CCDC146: variants seen among roughly 807,000 people sequenced by gnomAD.
CCDC146 encodes coiled-coil domain-containing protein 146.
Under a neutral mutation model 119.3 loss-of-function variants are expected in CCDC146, and 92 were observed. That is an observed-to-expected ratio of 0.77 (90% CI 0.65 to 0.92). The LOEUF (loss-of-function observed/expected upper bound fraction) is 0.92, where lower values mean the gene tolerates loss of function less well. CCDC146 is among the 40% of genes least tolerant of loss of function. The probability of loss-of-function intolerance (pLI) is 0.00; values close to 1 mark genes in which losing one functional copy is unlikely to be tolerated. For missense variants in CCDC146, 1,000 were observed against 1,103.0 expected (o/e 0.91, Z 1.32); for synonymous variants, 372 against 371.8 (o/e 1.00, Z -0.01).
chr7:77,251,269 G>A (rs931007753), intron 4 of CCDC146, among the ~76,000 whole-genome samples: 25 of 151,990 alleles, frequency 1.6e-4, no homozygotes, highest in Admixed American at 1.1e-3. Flanking sequence ...TTATCTGCCC[G>A]CCTCAGCCTC....
At chr7:77,166,670 G>A (rs906242010) in intron 1 of CCDC146, among the ~76,000 whole-genome samples, 18 of 152,076 alleles carry the variant, frequency 1.2e-4, no homozygotes, top group African/African-American at 4.3e-4. Flanking sequence ...TGCTATTCAC[G>A]TATTACTATT....
chr7:77,292,035 C>A (rs934188112), intron 17 of CCDC146, among the ~76,000 whole-genome samples: 1 of 152,220 alleles, frequency 6.6e-6, no homozygotes, highest in Non-Finnish European at 1.5e-5. Flanking sequence ...GTGGATCATG[C>A]CTGTAATCCC....
rs968471301 is a variant in CCDC146 at position 77,278,686 on chromosome 7, G to T, written c.1441-66G>T. The T allele has an allele frequency of 1.9e-5, 21 of 1,080,522 alleles. No homozygotes were observed. The East Asian group carries it at 4.7e-4, about 24-fold the overall frequency. The allele number at this position is 1,080,522 out of a possible 1,614,324, so 66.9% of individuals were successfully genotyped here. On this transcript the variant is annotated intron_variant, in intron 11 of 18. Coordinates refer to ENST00000285871, the MANE Select transcript of CCDC146 (RefSeq NM_020879.3). ...AGAATTGTCTTTAATGGAAGGGAAT[G>T]ATGTGGGATAAATCTGGGAGTGTTC...
intron 2 of CCDC146, among the ~76,000 whole-genome samples, chr7:77,178,849 GT>G (rs1467321592): frequency 6.6e-6 from 1 of 152,148 alleles, no homozygotes; most frequent in African/African-American, 2.4e-5. Context: ...GTAAAACAGT[GT>G]CTTTAGTAAT....
At chr7:77,271,483 A>G (rs1478526516) in intron 9 of CCDC146, among the ~76,000 whole-genome samples, 2 of 140,164 alleles carry the variant, frequency 1.4e-5, no homozygotes, top group African/African-American at 2.7e-5. Flanking sequence ...TTTATTTTAT[A>G]TATATATATA....
At chr7:77,240,625 A>G (rs897602663) in intron 3 of CCDC146, among the ~76,000 whole-genome samples, 1 of 152,248 alleles carries the variant, frequency 6.6e-6, no homozygotes, top group South Asian at 2.1e-4. Flanking sequence ...AAGTCTGTAC[A>G]TGTTCAGTAA....
At chr7:77,294,617 C>T (rs1398086209) in intron 18 of CCDC146, 46 bp from the exon 19 acceptor site, 3 of 1,586,796 alleles carry the variant, frequency 1.9e-6, no homozygotes, top group Non-Finnish European at 2.6e-6. Flanking sequence ...AAAGTGACTT[C>T]ACCAGAGTTT....
intron 11 of CCDC146, among the ~76,000 whole-genome samples, chr7:77,276,205 CAAAAATAAAA>C (rs1793633807): frequency 7.9e-6 from 1 of 126,792 alleles, no homozygotes. Flanking sequence ...GACTTCCTCT[CAAAAATAAAA>C]AAAAAAAAGA....
At chr7:77,148,280 G>A (rs1182967947) in intron 1 of CCDC146, among the ~76,000 whole-genome samples, 3 of 152,154 alleles carry the variant, frequency 2.0e-5, no homozygotes, top group African/African-American at 7.2e-5. Context: ...TAGGGTGGGA[G>A]TGACCTGATT....
Position 77,196,541 on chromosome 7 carries a change from A to G in CCDC146, c.156+28717A>G. 6.2e-7 allele frequency: 1 copy of G among 1,614,186 alleles called. No individual in the cohort carries two copies. Among genetic ancestry groups the G allele is most frequent in the Non-Finnish European group, 8.5e-7 (1 of 1,180,014 alleles). ...TTTATCTGGAGTGGTGAAAAACTTC[A>G]GATCGTGGTTGTAATGTTTGTTGAA... is the stretch of plus-strand genomic sequence containing the variant. On this transcript the variant is annotated intron_variant, in intron 2 of 18. Transcript: ENST00000285871. The surrounding 1 kb of genome is among the most constrained non-coding windows in gnomAD (Gnocchi z 4.2).
intron 2 of CCDC146, chr7:77,199,860 C>T: frequency 2.0e-6 from 3 of 1,531,124 alleles, no homozygotes; most frequent in Non-Finnish European, 1.8e-6. Context: ...GCGGCAGCTG[C>T]CTGAGTCAGG....
chr7:77,292,964 C>G lies in CCDC146; in HGVS notation c.2428C>G (p.Gln810Glu), dbSNP rs1297065195. The change falls in exon 18 of 19, where the codon CAA becomes GAA. Residue 810 changes from glutamine (Q) to glutamate (E), a missense_variant. Coordinates refer to ENST00000285871, the MANE Select transcript of CCDC146 (RefSeq NM_020879.3). ...TCTTTAATTCTAGATGAATGGCTAT[C>G]AAAGAAGGATCAAAAATGCAACTGA... ...LLLAKKMNGY[Q>E]RRIKNATEKM... 2.5e-6 allele frequency: 4 copies of G among 1,613,652 alleles called. No individual in the cohort carries two copies. Among genetic ancestry groups the G allele is most frequent in the Non-Finnish European group, 3.4e-6 (4 of 1,179,964 alleles).
At chr7:77,240,504 C>T (rs1196440323) in intron 3 of CCDC146, among the ~76,000 whole-genome samples, 4 of 152,328 alleles carry the variant, frequency 2.6e-5, no homozygotes, top group East Asian at 1.9e-4. Flanking sequence ...AACTTAATCA[C>T]ATCCTCCTGT....
In CCDC146 at chr7:77,196,938, T is replaced by C. The variant is rs1164958623; in HGVS notation, c.156+29114T>C. 1.2e-6 allele frequency: 2 copies of C among 1,613,546 alleles called. No individual in the cohort carries two copies. Among genetic ancestry groups the C allele is most frequent in the East Asian group, 4.5e-5 (2 of 44,892 alleles). Reference sequence around the variant, plus strand: ...ACTCTGTAGGTCTCACTGCTTCTTTTGCCTATTGCGTAGTAGTCAGAGCAA... The same window carrying C: ...ACTCTGTAGGTCTCACTGCTTCTTTCGCCTATTGCGTAGTAGTCAGAGCAA... On this transcript the variant is annotated intron_variant, in intron 2 of 18. Transcript: ENST00000285871. This position sits in a 1 kb window ranked among gnomAD's most constrained non-coding sequence, Gnocchi z 4.2.
intron 17 of CCDC146, among the ~76,000 whole-genome samples, chr7:77,290,456 G>A (rs889348150): frequency 1.3e-5 from 2 of 152,078 alleles, no homozygotes; most frequent in African/African-American, 4.8e-5. Context: ...CAAAGATAAG[G>A]AAATTCATTT....
At chr7:77,233,568 T>C (rs914863938) in intron 2 of CCDC146, among the ~76,000 whole-genome samples, 2 of 152,156 alleles carry the variant, frequency 1.3e-5, no homozygotes, top group African/African-American at 4.8e-5. Context: ...AATTTTTCCG[T>C]GGGGCAGAAG....
At chr7:77,161,850 G>A (rs1200789863) in intron 1 of CCDC146, among the ~76,000 whole-genome samples, 1 of 149,808 alleles carries the variant, frequency 6.7e-6, no homozygotes, top group African/African-American at 2.4e-5. Context: ...CCTAACAGGT[G>A]TGAGGCGACA....
intron 18 of CCDC146, among the ~76,000 whole-genome samples, chr7:77,294,101 G>T (rs1388828724): frequency 6.6e-6 from 1 of 152,162 alleles, no homozygotes; most frequent in Non-Finnish European, 1.5e-5. Flanking sequence ...TCTTGAAAAC[G>T]TTGAGGCTCA....
chr7:77,201,267 C>T (rs1004882381), intron 2 of CCDC146, among the ~76,000 whole-genome samples: 2 of 151,924 alleles, frequency 1.3e-5, no homozygotes, highest in African/African-American at 2.4e-5. Flanking sequence ...CTTGGCTGGG[C>T]GTGGTGGCTC....
Sources: allele counts gnomAD v4.1 joint callset (sites outside exome capture counted in the v4.1 genomes callset), GRCh38; gene constraint gnomAD v4.1.1; non-coding constraint Gnocchi (gnomAD v3.1); transcripts MANE v1.5; gene names NCBI Gene and HGNC (gene_info 2026-07-23, HGNC 2026-07-21).